The following CLDN10 variants were observed in gnomAD, a reference collection of about 807,000 sequenced individuals.
CLDN10 encodes the protein claudin 10.
CLDN10 carries 15 observed loss-of-function variants against 22.9 expected under a neutral mutation model. The ratio of observed to expected loss-of-function variants is 0.65; its 90% confidence interval spans 0.44 to 1.01. The LOEUF is 1.01. CLDN10 is among the 50% of genes least tolerant of loss of function. The pLI is 0.00. For missense variants in CLDN10, 247 were observed against 287.8 expected (o/e 0.86, Z 1.03); for synonymous variants, 114 against 111.4 (o/e 1.02, Z -0.15).
At chr13:95,495,285 T>C (rs1156840272) in intron 1 of CLDN10, among the ~76,000 whole-genome samples, 7 of 151,758 alleles carry the variant, frequency 4.6e-5, no homozygotes, top group Non-Finnish European at 1.0e-4. Context: ...GATCTGTCCG[T>C]CTTGGCTTCC....
At chr13:95,574,874 G>A (rs2043904700) in intron 3 of CLDN10, among the ~76,000 whole-genome samples, 1 of 151,986 alleles carries the variant, frequency 6.6e-6, no homozygotes, top group African/African-American at 2.4e-5. Flanking sequence ...TTTCAATATG[G>A]CTTAACATAG....
intron 1 of CLDN10, among the ~76,000 whole-genome samples, chr13:95,441,736 A>G (rs746108644): frequency 2.0e-4 from 30 of 152,216 alleles, no homozygotes; most frequent in Admixed American, 2.0e-4. Flanking sequence ...TTCTATGCAC[A>G]TTAAATGTTT....
intron 1 of CLDN10, among the ~76,000 whole-genome samples, chr13:95,557,776 G>A (rs2043656995): frequency 6.6e-6 from 1 of 152,164 alleles, no homozygotes; most frequent in Non-Finnish European, 1.5e-5. Context: ...GGGCATCTCA[G>A]AGTGAGAAAC....
At chr13:95,567,911 G>A (rs906638195) in intron 3 of CLDN10, among the ~76,000 whole-genome samples, 9 of 152,172 alleles carry the variant, frequency 5.9e-5, no homozygotes, top group Admixed American at 3.9e-4. Flanking sequence ...CTGTTTATGT[G>A]ATGGATTACG....
chr13:95,512,814 A>C, intron 1 of CLDN10, among the ~76,000 whole-genome samples: 1 of 152,222 alleles, frequency 6.6e-6, no homozygotes, highest in East Asian at 1.9e-4. Flanking sequence ...CACCCACAGA[A>C]AGTGCCAGGT....
upstream of CLDN10, among the ~76,000 whole-genome samples, chr13:95,549,332 C>T (rs138783370): frequency 5.4e-3 from 819 of 152,284 alleles, 9 homozygotes; most frequent in African/African-American, 0.019. Flanking sequence ...AATAAGGAAG[C>T]ATTTATCAGT....
At chr13:95,471,453 A>ATATT (rs776857009) in intron 1 of CLDN10, among the ~76,000 whole-genome samples, 4 of 106,414 alleles carry the variant, frequency 3.8e-5, no homozygotes, top group African/African-American at 1.2e-4. Context: ...ATATATATAT[A>ATATT]TTTTTTTTTT....
intron 1 of CLDN10, among the ~76,000 whole-genome samples, chr13:95,437,049 G>A (rs1225343876): frequency 2.6e-5 from 4 of 152,048 alleles, no homozygotes; most frequent in Non-Finnish European, 5.9e-5. Flanking sequence ...AGCTGTCTCG[G>A]TTGTATTTTT....
intron 1 of CLDN10, among the ~76,000 whole-genome samples, chr13:95,434,498 CAG>C (rs2042245286): frequency 7.0e-6 from 1 of 142,294 alleles, no homozygotes; most frequent in African/African-American, 3.0e-5. Flanking sequence ...CACACACACA[CAG>C]AGGTATCTAT....
At chr13:95,471,440 C>CACACATATATATAT (rs746573300) in intron 1 of CLDN10, among the ~76,000 whole-genome samples, 15 of 104,390 alleles carry the variant, frequency 1.4e-4, no homozygotes, top group Admixed American at 3.1e-4. Flanking sequence ...CACACACACA[C>CACACATATATATAT]ATATATATAT....
intron 1 of CLDN10, among the ~76,000 whole-genome samples, chr13:95,532,976 G>C (rs74547406): frequency 6.6e-6 from 1 of 152,058 alleles, no homozygotes; most frequent in African/African-American, 2.4e-5. Context: ...AACGGGGGGA[G>C]TGGGATCGAC....
intron 1 of CLDN10, among the ~76,000 whole-genome samples, chr13:95,461,771 A>T (rs1470101857): frequency 1.3e-5 from 2 of 152,196 alleles, no homozygotes; most frequent in African/African-American, 4.8e-5. Flanking sequence ...CACTTCTGTG[A>T]GACACAGAAC....
intron 1 of CLDN10, among the ~76,000 whole-genome samples, chr13:95,540,485 A>G (rs1301545253): frequency 6.6e-6 from 1 of 152,074 alleles, no homozygotes; most frequent in Non-Finnish European, 1.5e-5. Flanking sequence ...CAGAGCAGAG[A>G]CAGACTCTGT....
intron 1 of CLDN10, among the ~76,000 whole-genome samples, chr13:95,476,558 G>A (rs1273905140): frequency 6.6e-6 from 1 of 152,164 alleles, no homozygotes; most frequent in African/African-American, 2.4e-5. Flanking sequence ...TTCAACGTGT[G>A]AATTTTGGAG....
At chr13:95,460,766 C>T (rs567415737) in intron 1 of CLDN10, among the ~76,000 whole-genome samples, 92 of 151,782 alleles carry the variant, frequency 6.1e-4, no homozygotes, top group African/African-American at 2.1e-3. Context: ...GAGCCTCTCT[C>T]CTCTGGAGTA....
intron 1 of CLDN10, among the ~76,000 whole-genome samples, chr13:95,556,558 A>G (rs1356406352): frequency 6.6e-6 from 1 of 152,238 alleles, no homozygotes; most frequent in Non-Finnish European, 1.5e-5. Context: ...TGCTCAGCAG[A>G]CATCCATATT....
chr13:95,559,104 A>G (rs368668592), intron 1 of CLDN10, among the ~76,000 whole-genome samples: 7 of 152,206 alleles, frequency 4.6e-5, no homozygotes, highest in African/African-American at 1.4e-4. Flanking sequence ...GTTTAATTCC[A>G]AACGTAAACC....
intron 1 of CLDN10, among the ~76,000 whole-genome samples, chr13:95,465,228 A>T (rs1188963028): frequency 6.6e-6 from 1 of 152,158 alleles, no homozygotes. Flanking sequence ...ATTCACAACC[A>T]TTAAAACAGT....
rs1475023230 is a variant in CLDN10 at position 95,534,405 on chromosome 13, G to A, written c.215-25727G>A. On this transcript the variant is annotated intron_variant, in intron 1 of 4. Transcript: ENST00000376873. ...TTTGTAGAATTATAAAATCTTATGT[G>A]GTAAGGGATATTGTGGGTCATCTGG... Among the ~76,000 whole-genome samples the A allele has an allele frequency of 1.3e-5, 2 of 152,106 alleles. 1 individual carries two copies. The highest frequency in any genetic ancestry group is 2.9e-5 in the Non-Finnish European group (2 of 68,004).
Sources: allele counts gnomAD v4.1 joint callset (sites outside exome capture counted in the v4.1 genomes callset), GRCh38; gene constraint gnomAD v4.1.1; transcripts MANE v1.5; gene names NCBI Gene and HGNC (gene_info 2026-07-23, HGNC 2026-07-21).